The following OR1J2 variants were observed in gnomAD, a reference collection of about 807,000 sequenced individuals.
OR1J2 encodes olfactory receptor 1J2.
For missense variants in OR1J2, 304 were observed against 246.1 expected (o/e 1.24, Z -1.57); for synonymous variants, 142 against 99.7 (o/e 1.42, Z -2.52).
the OR1J2 span, among the ~76,000 whole-genome samples, chr9:122,463,483 G>C: frequency 2.6e-5 from 4 of 152,092 alleles, no homozygotes; most frequent in Admixed American, 2.6e-4. Context: ...GTGATCTTTT[G>C]GGGGTGTTAA....
the OR1J2 span, among the ~76,000 whole-genome samples, chr9:122,453,518 A>T: frequency 6.6e-6 from 1 of 152,220 alleles, no homozygotes; most frequent in Non-Finnish European, 1.5e-5. Context: ...GACTAATTCA[A>T]GTACACTACA....
chr9:122,486,426 T>G, the OR1J2 span, among the ~76,000 whole-genome samples: 2 of 152,316 alleles, frequency 1.3e-5, no homozygotes, highest in East Asian at 1.9e-4. Context: ...CCTTATTAAA[T>G]ATATCTTCAA....
At chr9:122,450,581 A>G in the OR1J2 span, among the ~76,000 whole-genome samples, 1 of 152,234 alleles carries the variant, frequency 6.6e-6, no homozygotes, top group Non-Finnish European at 1.5e-5. Flanking sequence ...TCAAATGCTT[A>G]TCATTTCTTT....
upstream of OR1J2, among the ~76,000 whole-genome samples, chr9:122,507,103 G>T (rs56214002): frequency 6.6e-6 from 1 of 152,162 alleles, no homozygotes; most frequent in African/African-American, 2.4e-5. Flanking sequence ...TGCCTTATCT[G>T]TGGTAGGTTT....
At chr9:122,501,052 T>C in the OR1J2 span, among the ~76,000 whole-genome samples, 1 of 152,210 alleles carries the variant, frequency 6.6e-6, no homozygotes, top group Non-Finnish European at 1.5e-5. Flanking sequence ...TTTACAGTTA[T>C]TTGCGAAAGG....
At chr9:122,529,609 T>G in the OR1J2 span, among the ~76,000 whole-genome samples, 1 of 152,134 alleles carries the variant, frequency 6.6e-6, no homozygotes, top group African/African-American at 2.4e-5. Flanking sequence ...CTTGCTCTAT[T>G]TTTGGTTTTT....
the OR1J2 span, chr9:122,477,458 G>C: frequency 6.2e-7 from 1 of 1,613,990 alleles, no homozygotes; most frequent in Non-Finnish European, 8.5e-7. Flanking sequence ...GTATGCAAAA[G>C]AGCACACGCA....
chr9:122,498,164 T>G, the OR1J2 span, among the ~76,000 whole-genome samples: 2,195 of 152,216 alleles, frequency 0.014, 40 homozygotes, highest in African/African-American at 0.05. Context: ...CTGTGGTTGA[T>G]GTATACCTCT....
chr9:122,484,219 T>G, the OR1J2 span, among the ~76,000 whole-genome samples: 177 of 152,230 alleles, frequency 1.2e-3, 2 homozygotes, highest in Non-Finnish European at 1.2e-3. Context: ...TGGAGTGCGG[T>G]GGTGCGATCT....
the OR1J2 span, among the ~76,000 whole-genome samples, chr9:122,471,749 G>A: frequency 4.4e-3 from 676 of 152,202 alleles, 1 homozygote; most frequent in Non-Finnish European, 6.2e-3. Context: ...TTCTATCATG[G>A]CCCAGCTAGA....
chr9:122,450,275 AC>A, the OR1J2 span, among the ~76,000 whole-genome samples: 1 of 152,162 alleles, frequency 6.6e-6, no homozygotes, highest in African/African-American at 2.4e-5. Flanking sequence ...TACTAAAAAT[AC>A]AAAAATTAGC....
the OR1J2 span, among the ~76,000 whole-genome samples, chr9:122,496,004 G>A: frequency 6.6e-6 from 1 of 152,290 alleles, no homozygotes; most frequent in East Asian, 1.9e-4. Flanking sequence ...GGATGGTACT[G>A]GGGAGTATCT....
chr9:122,516,486 G>C (rs1290206157), downstream of OR1J2, among the ~76,000 whole-genome samples: 1 of 151,772 alleles, frequency 6.6e-6, no homozygotes, highest in African/African-American at 2.4e-5. Flanking sequence ...TGTATTTTTA[G>C]TAGAGACGGG....
At chr9:122,496,955 G>A in the OR1J2 span, among the ~76,000 whole-genome samples, 1 of 152,082 alleles carries the variant, frequency 6.6e-6, no homozygotes, top group African/African-American at 2.4e-5. Flanking sequence ...CCAGAGAAGT[G>A]GGGGAAAGCC....
the OR1J2 span, among the ~76,000 whole-genome samples, chr9:122,490,151 A>G: frequency 6.6e-6 from 1 of 152,182 alleles, no homozygotes; most frequent in South Asian, 2.1e-4. Flanking sequence ...GCAGGATTGT[A>G]CTGGTGGCAG....
chr9:122,515,791 G>T (rs1338927973), downstream of OR1J2, among the ~76,000 whole-genome samples: 1 of 152,086 alleles, frequency 6.6e-6, no homozygotes, highest in Non-Finnish European at 1.5e-5. Flanking sequence ...CATCCATACT[G>T]CATCTTCTTA....
At chr9:122,540,565 G>T in the OR1J2 span, among the ~76,000 whole-genome samples, 1 of 152,032 alleles carries the variant, frequency 6.6e-6, no homozygotes, top group Admixed American at 6.6e-5. Context: ...CTCCAGCTTT[G>T]TTCTTTTGGC....
chr9:122,567,045 A>C, the OR1J2 span: 1 of 152,224 alleles, frequency 6.6e-6, no homozygotes, highest in African/African-American at 2.4e-5. Context: ...AAGCAATAAA[A>C]CATTTTTAGA....
At chr9:122,505,390 G>A in the OR1J2 span, among the ~76,000 whole-genome samples, 14 of 152,146 alleles carry the variant, frequency 9.2e-5, no homozygotes, top group South Asian at 4.2e-4. Flanking sequence ...TACCAGTCTC[G>A]CTGTCATGAT....
Sources: gnomAD v4.1 joint callset for allele counts (sites outside exome capture counted in the v4.1 genomes callset) on GRCh38, gnomAD v4.1.1 for gene constraint, MANE v1.5 for transcripts, NCBI Gene and HGNC (gene_info 2026-07-23, HGNC 2026-07-21) for gene names.